CNTN4: variants seen among roughly 807,000 people sequenced by gnomAD.
CNTN4 encodes the protein contactin 4.
CNTN4 carries 77 observed loss-of-function variants against 122.5 expected under a neutral mutation model. The ratio of observed to expected loss-of-function variants is 0.63; its 90% CI spans 0.52 to 0.76. The LOEUF is 0.76. Among genes scored for constraint, CNTN4 ranks in the 30% least tolerant of loss-of-function variants. The pLI is 0.00. For synonymous variants in CNTN4, 512 were observed against 447.0 expected (o/e 1.15, Z -1.83); for missense variants, 1,256 against 1,259.1 (o/e 1.00, Z 0.04).
rs554836834 is a variant in CNTN4 at position 2,333,706 on chromosome 3, C to T, written c.-144-5472C>T. On this transcript the variant is annotated intron_variant, in intron 2 of 24. Coordinates refer to ENST00000418658, the MANE Select transcript of CNTN4 (RefSeq NM_175607.3). The stretch of plus-strand genomic sequence containing the variant: ...TTTGTTTGCTTGGAGCTAGACAGCA[C>T]GATTAGAAATGCATCCCAATTCTGA... 1.2e-4 allele frequency among the ~76,000 whole-genome samples: 18 copies of T among 152,192 alleles called. No individual in the cohort carries two copies. The East Asian group carries it at 2.3e-3, about 20-fold the overall frequency.
intron 3 of CNTN4, among the ~76,000 whole-genome samples, chr3:2,559,783 C>A (rs546143269): frequency 6.6e-6 from 1 of 152,114 alleles, no homozygotes; most frequent in African/African-American, 2.4e-5. Context: ...TGCATGTAGT[C>A]ATGAACTAAA....
At chr3:2,264,420 T>TA (rs1192043751) in intron 2 of CNTN4, among the ~76,000 whole-genome samples, 5 of 152,160 alleles carry the variant, frequency 3.3e-5, no homozygotes, top group Non-Finnish European at 7.4e-5. Context: ...TGTCTTCTTT[T>TA]AAAAAATGTC....
At chr3:2,513,463 G>C (rs1400347860) in intron 3 of CNTN4, among the ~76,000 whole-genome samples, 2 of 151,874 alleles carry the variant, frequency 1.3e-5, no homozygotes, top group Non-Finnish European at 2.9e-5. Flanking sequence ...GTATCTACTT[G>C]GTTGAGTAAA....
chr3:2,541,543 G>C (rs1246844647), intron 3 of CNTN4, among the ~76,000 whole-genome samples: 1 of 152,020 alleles, frequency 6.6e-6, no homozygotes, highest in Non-Finnish European at 1.5e-5. Flanking sequence ...GGTAAGCTTT[G>C]GAATTTTAAG....
intron 7 of CNTN4, among the ~76,000 whole-genome samples, chr3:2,842,237 G>A (rs141517512): frequency 1.7e-4 from 26 of 152,188 alleles, no homozygotes; most frequent in Non-Finnish European, 3.2e-4. Context: ...AACAGATGCT[G>A]CAATAATCCA....
chr3:2,792,044 C>T (rs2092028140), intron 6 of CNTN4, among the ~76,000 whole-genome samples: 1 of 152,128 alleles, frequency 6.6e-6, no homozygotes, highest in African/African-American at 2.4e-5. Flanking sequence ...TACCTGTGTA[C>T]CTGCAATCCT....
At chr3:2,938,594 A>G (rs758471825) in intron 13 of CNTN4, among the ~76,000 whole-genome samples, 8 of 152,174 alleles carry the variant, frequency 5.3e-5, no homozygotes, top group Non-Finnish European at 1.0e-4. Context: ...CTTCTTTCTA[A>G]GCTTTAAAAG....
intron 3 of CNTN4, among the ~76,000 whole-genome samples, chr3:2,345,269 C>T (rs113321349): frequency 7.0e-4 from 106 of 152,094 alleles, no homozygotes; most frequent in African/African-American, 2.5e-3. Context: ...TTTTTTTACC[C>T]TTTCAGACAC....
chr3:2,374,359 TTAACTC>T (rs1412960691), intron 3 of CNTN4, among the ~76,000 whole-genome samples: 2 of 152,370 alleles, frequency 1.3e-5, no homozygotes, highest in South Asian at 2.1e-4. Context: ...TTCATGCAGT[TTAACTC>T]TAATACCTAA....
intron 3 of CNTN4, among the ~76,000 whole-genome samples, chr3:2,459,003 T>G (rs1245891818): frequency 6.6e-6 from 1 of 152,186 alleles, no homozygotes; most frequent in South Asian, 2.1e-4. Flanking sequence ...GAATGTAGCA[T>G]TCTTTCTCAG....
chr3:2,204,867 G>C (rs993216178), intron 2 of CNTN4, among the ~76,000 whole-genome samples: 1 of 152,030 alleles, frequency 6.6e-6, no homozygotes, highest in Admixed American at 6.6e-5. Flanking sequence ...AGTTAGGACA[G>C]GATTTCTGGC....
intron 12 of CNTN4, among the ~76,000 whole-genome samples, chr3:2,917,292 G>T (rs545345344): frequency 6.6e-6 from 1 of 151,796 alleles, no homozygotes; most frequent in East Asian, 2.0e-4. Context: ...CGTGGAAAGC[G>T]GGAGGCGGAG....
chr3:2,606,632 A>G (rs78163130), intron 4 of CNTN4, among the ~76,000 whole-genome samples: 89 of 152,318 alleles, frequency 5.8e-4, no homozygotes, highest in African/African-American at 2.0e-3. Flanking sequence ...ATAAGTTGAC[A>G]TTAGTTTTGT....
intron 12 of CNTN4, among the ~76,000 whole-genome samples, chr3:2,921,177 A>T (rs1392942681): frequency 1.3e-5 from 2 of 152,184 alleles, no homozygotes; most frequent in Non-Finnish European, 2.9e-5. Context: ...AGCAAGGGCT[A>T]CAGGCATTCA....
At chr3:2,822,846 C>T (rs778221069) in intron 7 of CNTN4, among the ~76,000 whole-genome samples, 1 of 152,120 alleles carries the variant, frequency 6.6e-6, no homozygotes, top group African/African-American at 2.4e-5. Context: ...AAATCCAGTT[C>T]CTTGAGCTGT....
intron 13 of CNTN4, among the ~76,000 whole-genome samples, chr3:2,958,938 C>T (rs879743993): frequency 2.0e-5 from 3 of 152,078 alleles, no homozygotes; most frequent in Non-Finnish European, 2.9e-5. Flanking sequence ...AGTTGTCTTG[C>T]CCAAATAACT....
At chr3:2,367,836 C>T (rs1559491610) in intron 3 of CNTN4, among the ~76,000 whole-genome samples, 2 of 151,878 alleles carry the variant, frequency 1.3e-5, no homozygotes, top group Non-Finnish European at 2.9e-5. Context: ...CTCTGTAACC[C>T]CTAACAACGT....
At chr3:2,705,303 G>A (rs1306454529) in intron 4 of CNTN4, among the ~76,000 whole-genome samples, 2 of 144,916 alleles carry the variant, frequency 1.4e-5, no homozygotes, top group African/African-American at 5.1e-5. Context: ...AGGAGGCAGA[G>A]CTTGCAGTGA....
At chr3:2,762,937 CTTTTTTT>C (rs529635016) in intron 6 of CNTN4, among the ~76,000 whole-genome samples, 1 of 96,446 alleles carries the variant, frequency 1.0e-5, no homozygotes, top group Non-Finnish European at 2.1e-5. Flanking sequence ...TGATGTCAAG[CTTTTTTT>C]TTTTTTTTTT....
Sources: gnomAD v4.1 joint callset for allele counts (sites outside exome capture counted in the v4.1 genomes callset) on GRCh38, gnomAD v4.1.1 for gene constraint, MANE v1.5 for transcripts, NCBI Gene and HGNC (gene_info 2026-07-23, HGNC 2026-07-21) for gene names.